Variants in NPAS2 observed in about 807,000 individuals in gnomAD.
NPAS2 encodes neuronal PAS domain-containing protein 2.
In NPAS2, 23 loss-of-function variants were observed where a neutral mutation model predicts 107.5. The ratio of observed to expected loss-of-function variants is 0.21; its 90% confidence interval spans 0.15 to 0.30. The LOEUF is 0.30. NPAS2 is among the 10% of genes least tolerant of loss of function. NPAS2 has a pLI of 1.00. For synonymous variants in NPAS2, 403 were observed against 417.5 expected, an observed-to-expected ratio of 0.97 and a Z score of 0.42; for missense variants, 756 against 1,043.3, an observed-to-expected ratio of 0.72 and a Z score of 3.79.
intron 1 of NPAS2, among the ~76,000 whole-genome samples, chr2:100,900,879 CCTCTT>C (rs1229531912): frequency 6.6e-6 from 1 of 151,652 alleles, no homozygotes; most frequent in Non-Finnish European, 1.5e-5. Context: ...CCTCCCTTCT[CCTCTT>C]CTCTTCTCTT....
intron 1 of NPAS2, among the ~76,000 whole-genome samples, chr2:100,889,616 G>T (rs997303434): frequency 3.7e-4 from 56 of 152,218 alleles, no homozygotes; most frequent in African/African-American, 1.3e-3. Flanking sequence ...TTTGGGAGAG[G>T]CATGTCTAGG....
chr2:100,909,142 A>G (rs1368843869), intron 2 of NPAS2, among the ~76,000 whole-genome samples: 1 of 152,218 alleles, frequency 6.6e-6, no homozygotes, highest in African/African-American at 2.4e-5. Flanking sequence ...TGGACCAATG[A>G]ATGGCTGAGA....
At position 100,868,584 on chromosome 2, in the gene NPAS2, C is replaced by T. The variant is rs913573962; in HGVS notation, c.-22-36149C>T. On this transcript the variant is annotated intron_variant, in intron 1 of 20. Coordinates refer to ENST00000335681, the MANE Select transcript of NPAS2 (RefSeq NM_002518.4). ...GAATATTTCCTAGACCCCATTCCCTCGAATATCTCTTGCTAGAACTTGAGT... is the reference window on the plus strand; with the variant it reads ...GAATATTTCCTAGACCCCATTCCCTTGAATATCTCTTGCTAGAACTTGAGT... 5.6e-4 allele frequency among the ~76,000 whole-genome samples: 85 copies of T among 152,230 alleles called. 1 individual carries two copies. The highest frequency in any genetic ancestry group is 1.4e-3 in the African/African-American group (58 of 41,540).
intron 7 of NPAS2, among the ~76,000 whole-genome samples, chr2:100,955,584 C>G (rs1558908268): frequency 1.3e-5 from 2 of 152,182 alleles, no homozygotes; most frequent in Admixed American, 6.5e-5. Context: ...GCAGTCACTT[C>G]TTTGGCCTTA....
At chr2:100,863,278 G>A (rs1033886164) in intron 1 of NPAS2, among the ~76,000 whole-genome samples, 12 of 152,158 alleles carry the variant, frequency 7.9e-5, no homozygotes, top group African/African-American at 2.9e-4. Flanking sequence ...GCAAAAGAGG[G>A]CCATGGCTGC....
chr2:100,864,458 C>A (rs1339043265), intron 1 of NPAS2, among the ~76,000 whole-genome samples: 1 of 152,138 alleles, frequency 6.6e-6, no homozygotes, highest in African/African-American at 2.4e-5. Flanking sequence ...ATTAAGTTTC[C>A]ATACGATTAG....
At chr2:100,971,977 T>G in intron 12 of NPAS2, among the ~76,000 whole-genome samples, 1 of 151,314 alleles carries the variant, frequency 6.6e-6, no homozygotes, top group Admixed American at 6.6e-5. Context: ...AGTCTCACTT[T>G]GTTGCCCCAG....
intron 1 of NPAS2, chr2:100,821,116 G>C (rs1454859955): frequency 7.7e-6 from 10 of 1,304,532 alleles, no homozygotes; most frequent in Admixed American, 6.9e-5. Flanking sequence ...TGGGCAGGTC[G>C]GTAACCAGGG....
chr2:100,893,279 G>C (rs1681197167), intron 1 of NPAS2, among the ~76,000 whole-genome samples: 4 of 152,174 alleles, frequency 2.6e-5, no homozygotes, highest in Admixed American at 2.6e-4. Flanking sequence ...CCAGGGACTG[G>C]CTGGGAGGAC....
chr2:100,952,316 G>A (rs1416937604), intron 7 of NPAS2, among the ~76,000 whole-genome samples: 1 of 152,086 alleles, frequency 6.6e-6, no homozygotes, highest in Admixed American at 6.6e-5. Flanking sequence ...CTTGCCCCAT[G>A]ACAACAGTGC....
intron 2 of NPAS2, among the ~76,000 whole-genome samples, chr2:100,915,582 T>G (rs547239986): frequency 6.6e-6 from 1 of 152,282 alleles, no homozygotes; most frequent in Non-Finnish European, 1.5e-5. Flanking sequence ...GTGGAACATA[T>G]TTTAGTAGCA....
chr2:100,972,776 G>A (rs945772485), intron 12 of NPAS2: 1 of 152,260 alleles, frequency 6.6e-6, no homozygotes, highest in Non-Finnish European at 1.5e-5. Flanking sequence ...TGAAGAACAG[G>A]TGTAGTGTGT....
intron 2 of NPAS2, among the ~76,000 whole-genome samples, chr2:100,919,082 AC>A (rs753725170): frequency 3.9e-5 from 6 of 152,232 alleles, no homozygotes; most frequent in Non-Finnish European, 8.8e-5. Context: ...GTATTGACAG[AC>A]ACAAGTTGAA....
intron 19 of NPAS2, among the ~76,000 whole-genome samples, chr2:100,991,996 G>GTA (rs950632149): frequency 7.5e-4 from 115 of 152,334 alleles, no homozygotes; most frequent in African/African-American, 2.6e-3. Context: ...TCACAGGAGG[G>GTA]TAAGGAGGGA....
intron 7 of NPAS2, among the ~76,000 whole-genome samples, chr2:100,959,356 A>G (rs1675789940): frequency 6.6e-6 from 1 of 152,156 alleles, no homozygotes; most frequent in Admixed American, 6.5e-5. Flanking sequence ...TGCAAAACAC[A>G]GCTGAAACAA....
At chr2:100,891,015 G>C (rs1464734593) in intron 1 of NPAS2, among the ~76,000 whole-genome samples, 17 of 152,148 alleles carry the variant, frequency 1.1e-4, no homozygotes, top group African/African-American at 4.1e-4. Flanking sequence ...GGTGGATCAT[G>C]AGGTCAGGAG....
At chr2:100,887,530 G>T (rs146718908) in intron 1 of NPAS2, among the ~76,000 whole-genome samples, 8 of 152,196 alleles carry the variant, frequency 5.3e-5, no homozygotes, top group African/African-American at 1.9e-4. Context: ...AGCAGTGTTC[G>T]TGCAAATTAT....
intron 1 of NPAS2, among the ~76,000 whole-genome samples, chr2:100,833,546 G>T (rs1156732762): frequency 6.6e-6 from 1 of 152,186 alleles, no homozygotes; most frequent in Non-Finnish European, 1.5e-5. Context: ...TGAAGTGGGG[G>T]AAGTGAAATA....
chr2:100,820,446 C>A lies in NPAS2; in HGVS notation c.-23+32C>A, dbSNP rs1435959683. The A allele has an allele frequency of 6.6e-6, 1 of 150,504 alleles. No individual in the cohort carries two copies. The highest frequency in any genetic ancestry group is 2.0e-4 in the East Asian group (1 of 4,908). 9.3% of individuals were successfully genotyped at this position (150,504 alleles called of 1,614,324 possible). On this transcript the variant is annotated intron_variant, in intron 1 of 20. Coordinates refer to ENST00000335681, the MANE Select transcript of NPAS2 (RefSeq NM_002518.4). The surrounding 1 kb of genome is among the most constrained non-coding windows in gnomAD (Gnocchi z 5.6). The stretch of plus-strand genomic sequence containing the variant: ...GGCCGCGCCTAGGGGCGCGGGGGAC[C>A]CAGGGTGGGTAGTACGTGCGCGCGG...
Sources: gnomAD v4.1 joint callset for allele counts (sites outside exome capture counted in the v4.1 genomes callset) on GRCh38, gnomAD v4.1.1 for gene constraint, Gnocchi (gnomAD v3.1) non-coding constraint, MANE v1.5 for transcripts, NCBI Gene and HGNC (gene_info 2026-07-23, HGNC 2026-07-21) for gene names.